Variants in HSPB1 observed in about 807,000 individuals in gnomAD.
HSPB1 encodes heat shock protein beta-1.
A neutral mutation model predicts 17.0 loss-of-function variants in HSPB1; 19 were observed. The ratio of observed to expected loss-of-function variants is 1.12; its 90% CI spans 0.78 to 1.64. The LOEUF is 1.64. HSPB1 is among the 40% of genes most tolerant of loss of function. The pLI, the probability that HSPB1 is intolerant of heterozygous loss-of-function variation, is 0.00. For synonymous variants in HSPB1, 165 were observed against 129.8 expected (o/e 1.27, Z -1.84); for missense variants, 348 against 289.2 (o/e 1.20, Z -1.47).
At position 76,302,902 on chromosome 7, in the gene HSPB1, G is replaced by A. The variant is rs1803023708; in HGVS notation, c.190G>A (p.Glu64Lys). The A allele has an allele frequency of 3.2e-6, 5 of 1,551,376 alleles. No homozygotes were observed. Among genetic ancestry groups the A allele is most frequent in the Admixed American group, 1.9e-5 (1 of 52,648 alleles). Residue 64 changes from glutamate to lysine, a missense_variant, in exon 1 of 3, where the codon GAG becomes AAG. Physicochemically the swap from Glu to Lys is moderately conservative, Grantham distance 56. Coordinates refer to ENST00000248553, the MANE Select transcript of HSPB1 (RefSeq NM_001540.5). ...YVRPLPPAAI[E>K]SPAVAAPAYS... ...GCGCCCCCTGCCCCCCGCCGCCATCGAGAGCCCCGCAGTGGCCGCGCCCGC... is the reference window on the plus strand; with the variant it reads ...GCGCCCCCTGCCCCCCGCCGCCATCAAGAGCCCCGCAGTGGCCGCGCCCGC...
At position 76,304,006 on chromosome 7, in the gene HSPB1, A is replaced by G. The variant is rs771232749; in HGVS notation, c.451A>G (p.Thr151Ala). Residue 151 changes from threonine (T) to alanine (A), a missense_variant, in exon 3 of 3, where the codon ACC (threonine) becomes GCC (alanine). Coordinates refer to ENST00000248553, the MANE Select transcript of HSPB1 (RefSeq NM_001540.5). ...CAGGCTGCCCCCCGGTGTGGACCCC[A>G]CCCAAGTTTCCTCCTCCCTGTCCCC... ...KYTLPPGVDP[T>A]QVSSSLSPEG... The G allele has an allele frequency of 6.2e-7, 1 of 1,613,564 alleles. No individual in the cohort carries two copies. The highest frequency in any genetic ancestry group is 8.5e-7 in the Non-Finnish European group (1 of 1,179,946).
rs1205740881 is a variant in HSPB1, at chr7:76,302,994, C to A, written c.282C>A (p.Arg94=). ...GVSEIRHTAD[R]WRVSLDVNHF... Reference sequence around the variant, plus strand: ...CGGAGATCCGGCACACTGCGGACCGCTGGCGCGTGTCCCTGGATGTCAACC... The same window carrying A: ...CGGAGATCCGGCACACTGCGGACCGATGGCGCGTGTCCCTGGATGTCAACC... The change falls in exon 1 of 3, where the codon CGC becomes CGA. Residue 94 remains arginine (R), a synonymous_variant. Transcript: ENST00000248553. The A allele has an allele frequency of 2.6e-6, 4 of 1,543,466 alleles. No individual in the cohort carries two copies. The highest frequency in any genetic ancestry group is 2.4e-5 in the East Asian group (1 of 41,674).
chr7:76,303,650 C>A (rs1254108678), intron 1 of HSPB1, 152 bp from the exon 2 acceptor site: 8 of 658,944 alleles, frequency 1.2e-5, no homozygotes, highest in Non-Finnish European at 2.2e-5. Context: ...AGAGCCCAGA[C>A]CGGCGGGCAC....
chr7:76,303,749 G>A (rs1004998334), intron 1 of HSPB1, 53 bp from the exon 2 acceptor site: 5 of 1,541,468 alleles, frequency 3.2e-6, no homozygotes, highest in Admixed American at 1.7e-5. Flanking sequence ...GGCCTAGCGG[G>A]GCCGAAAGGC....
intron 1 of HSPB1, 26 bp downstream of exon 1, chr7:76,303,102 AGAG>A (rs1291099786): frequency 2.7e-6 from 4 of 1,505,928 alleles, no homozygotes; most frequent in East Asian, 2.5e-5. Context: ...CCTGCAGGGG[AGAG>A]GAGGAGGCTA....
At chr7:76,303,457 C>A (rs756988022) in intron 1 of HSPB1, 8 of 536,988 alleles carry the variant, frequency 1.5e-5, no homozygotes, top group Non-Finnish European at 2.3e-5. Flanking sequence ...TACAGAGTCC[C>A]CTTCCCACCC....
rs539446607 is a variant in HSPB1, at chr7:76,303,522, C to G, written c.365-280C>G. On this transcript the variant is annotated intron_variant, in intron 1 of 2. Transcript: ENST00000248553. ...TCCCTGGCGCGGTGCCAGTTTCTAG[C>G]CGCTGAGTGGGCGTGTGCGCGGCTC... The G allele has an allele frequency of 1.1e-4, 65 of 575,726 alleles. 1 individual carries two copies. Among genetic ancestry groups the G allele is most frequent in the African/African-American group, 1.1e-3 (58 of 53,614 alleles). The allele number at this position is 575,726 out of a possible 1,614,324, so 35.7% of individuals were successfully genotyped here.
Position 76,303,809 on chromosome 7 carries a change from C to G in HSPB1, c.372C>G (p.His124Gln), listed in dbSNP as rs145243219. The part of the protein sequence containing the change: ...KDGVVEITGK[H>Q]EERQDEHGYI... ...TCCCTCTTCCCCCCAAAGGCAAGCA[C>G]GAGGAGCGGCAGGACGAGCATGGCT... Residue 124 changes from histidine (H) to glutamine (Q), a missense_variant, in exon 2 of 3, where the codon CAC (histidine) becomes CAG (glutamine). Transcript: ENST00000248553. 256 of 1,609,780 alleles carry G rather than the reference C, an allele frequency of 1.6e-4. No homozygotes were observed. The highest frequency in any genetic ancestry group is 2.0e-4 in the Non-Finnish European group (236 of 1,179,394).
chr7:76,303,089 G>A lies in HSPB1; in HGVS notation c.364+13G>A, dbSNP rs1468075489. 24 of 1,514,504 alleles carry A rather than the reference G, an allele frequency of 1.6e-5. No individual in the cohort carries two copies. The highest frequency in any genetic ancestry group is 2.4e-5 in the East Asian group (1 of 41,036). The allele number at this position is 1,514,504 out of a possible 1,614,324, so 93.8% of individuals were successfully genotyped here. On this transcript the variant is annotated intron_variant, in intron 1 of 2. Transcript: ENST00000248553. The stretch of plus-strand genomic sequence containing the variant: ...GTGGAGATCACCGGTGAGCCCCCCT[G>A]CTCCTGCAGGGGAGAGGAGGAGGCT...
rs1468075489 is a variant in HSPB1 at position 76,303,089 on chromosome 7, G to C, written c.364+13G>C. 3 of 1,514,504 alleles carry C rather than the reference G, an allele frequency of 2.0e-6. No individual in the cohort carries two copies. The highest frequency in any genetic ancestry group is 2.7e-6 in the Non-Finnish European group (3 of 1,131,752). 93.8% of individuals were successfully genotyped at this position (1,514,504 alleles called of 1,614,324 possible). On this transcript the variant is annotated intron_variant, in intron 1 of 2. Transcript: ENST00000248553. ...GTGGAGATCACCGGTGAGCCCCCCT[G>C]CTCCTGCAGGGGAGAGGAGGAGGCT...
In HSPB1 at chr7:76,304,159, A is replaced by T; in HGVS notation, c.604A>T (p.Thr202Ser). 6.2e-7 allele frequency: 1 copy of T among 1,610,992 alleles called. No individual in the cohort carries two copies. The highest frequency in any genetic ancestry group is 1.1e-5 in the South Asian group (1 of 90,580). The change falls in exon 3 of 3, where the codon ACT (threonine) becomes TCT (serine). Residue 202 changes from threonine (T) to serine (S), a missense_variant. Coordinates refer to ENST00000248553, the MANE Select transcript of HSPB1 (RefSeq NM_001540.5). Reference protein sequence around the residue: ...GGPEAAKSDETAAK With the variant: ...GGPEAAKSDESAAK ...CCCAGAAGCTGCAAAATCCGATGAG[A>T]CTGCCGCCAAGTAAAGCCTTAGCCC...
Position 76,303,057 on chromosome 7 carries a change from T to C in HSPB1, c.345T>C (p.Asp115=). 1 of 1,532,834 alleles carries C rather than the reference T, an allele frequency of 6.5e-7. No individual in the cohort carries two copies. The highest frequency in any genetic ancestry group is 8.8e-7 in the Non-Finnish European group (1 of 1,141,666). The allele number at this position is 1,532,834 out of a possible 1,614,324, so 95.0% of individuals were successfully genotyped here. A position where few individuals can be genotyped will look rare whatever the true frequency, so the allele number is the denominator to read the frequency against. Residue 115 remains aspartate (D), a synonymous_variant, in exon 1 of 3, where the codon GAT becomes GAC. Transcript: ENST00000248553. ...APDELTVKTK[D]GVVEITGKHE... ...ACGAGCTGACGGTCAAGACCAAGGATGGCGTGGTGGAGATCACCGGTGAGC... is the reference window on the plus strand; with the variant it reads ...ACGAGCTGACGGTCAAGACCAAGGACGGCGTGGTGGAGATCACCGGTGAGC...
chr7:76,304,208 A>C lies in HSPB1; in HGVS notation c.*35A>C, dbSNP rs761946141. On this transcript the variant is annotated 3_prime_UTR_variant, in exon 3 of 3. Coordinates refer to ENST00000248553, the MANE Select transcript of HSPB1 (RefSeq NM_001540.5). ...CCGGATGCCCACCCCTGCTGCCGCC[A>C]CTGGCTGTGCCTCCCCCGCCACCTG... The C allele has an allele frequency of 6.3e-7, 1 of 1,575,580 alleles. No individual in the cohort carries two copies. Among genetic ancestry groups the C allele is most frequent in the Non-Finnish European group, 8.7e-7 (1 of 1,154,500 alleles).
At chr7:76,303,142 C>T (rs1220859959) in intron 1 of HSPB1, 66 bp downstream of exon 1, 2 of 1,482,040 alleles carry the variant, frequency 1.3e-6, no homozygotes, top group Admixed American at 2.2e-5. Flanking sequence ...CGGGGGCGTG[C>T]GGTTGAAACG....
At chr7:76,303,327 A>G in intron 1 of HSPB1, 1 of 544,726 alleles carries the variant, frequency 1.8e-6, no homozygotes, top group Non-Finnish European at 3.2e-6. Flanking sequence ...CAGGAGTTCA[A>G]GACTAGCCTG....
Position 76,302,864 on chromosome 7 carries a change from G to A in HSPB1, c.152G>A (p.Trp51Ter), listed in dbSNP as rs1408159922. 6 of 1,586,226 alleles carry A rather than the reference G, an allele frequency of 3.8e-6. No individual in the cohort carries two copies. The highest frequency in any genetic ancestry group is 2.7e-5 in the African/African-American group (2 of 74,576). ...TCGCAGTGGTTAGGCGGCAGCAGCT[G>A]GCCAGGCTACGTGCGCCCCCTGCCC... ...EWSQWLGGSS[W>*]PGYVRPLPPA... Residue 51 changes from tryptophan (W) to a stop codon, truncating the protein, a stop_gained, in exon 1 of 3, where the codon TGG becomes TAG. Coordinates refer to ENST00000248553, the MANE Select transcript of HSPB1 (RefSeq NM_001540.5). LOFTEE classifies it high-confidence loss of function.
In HSPB1 at chr7:76,302,976, C is replaced by A; in HGVS notation, c.264C>A (p.Ile88=). 6.5e-7 allele frequency: 1 copy of A among 1,544,270 alleles called. No individual in the cohort carries two copies. The highest frequency in any genetic ancestry group is 2.4e-5 in the East Asian group (1 of 41,580). The change falls in exon 1 of 3, where the codon ATC becomes ATA. Residue 88 remains isoleucine, a synonymous_variant. Coordinates refer to ENST00000248553, the MANE Select transcript of HSPB1 (RefSeq NM_001540.5). ...AACTCAGCAGCGGGGTCTCGGAGAT[C>A]CGGCACACTGCGGACCGCTGGCGCG... ...SRQLSSGVSE[I]RHTADRWRVS...
At position 76,304,182 on chromosome 7, in the gene HSPB1, C is replaced by T. The variant is rs1227065003; in HGVS notation, c.*9C>T. 6.2e-7 allele frequency: 1 copy of T among 1,605,762 alleles called. No homozygotes were observed. ...AGACTGCCGCCAAGTAAAGCCTTAGCCCGGATGCCCACCCCTGCTGCCGCC... is the reference window on the plus strand; with the variant it reads ...AGACTGCCGCCAAGTAAAGCCTTAGTCCGGATGCCCACCCCTGCTGCCGCC... On this transcript the variant is annotated 3_prime_UTR_variant, in exon 3 of 3. Coordinates refer to ENST00000248553, the MANE Select transcript of HSPB1 (RefSeq NM_001540.5).
At chr7:76,303,762 T>G (rs372661168) in intron 1 of HSPB1, 40 bp from the exon 2 acceptor site, 1 of 1,588,984 alleles carries the variant, frequency 6.3e-7, no homozygotes, top group African/African-American at 1.3e-5. Context: ...CGAAAGGCAG[T>G]CCCCTCCCCC....
Sources: allele counts gnomAD v4.1 joint callset, GRCh38; gene constraint gnomAD v4.1.1; transcripts MANE v1.5; gene names NCBI Gene and HGNC (gene_info 2026-07-23, HGNC 2026-07-21).